The following LDLRAD4 variants were observed in gnomAD, a reference collection of about 807,000 sequenced individuals.
LDLRAD4 encodes the protein low density lipoprotein receptor class A domain containing 4, also known as low-density lipoprotein receptor class A domain-containing protein 4.
In LDLRAD4, 5 loss-of-function variants were observed where a neutral mutation model predicts 17.0. That is an observed-to-expected ratio of 0.29 (90% confidence interval 0.15 to 0.62). The LOEUF (loss-of-function observed/expected upper bound fraction) is 0.62, where lower values mean the gene tolerates loss of function less well. Ranked by LOEUF, LDLRAD4 falls within the 20% of genes least tolerant of loss-of-function variation. The pLI is 0.84. For missense variants in LDLRAD4, 340 were observed against 424.7 expected (o/e 0.80, Z 1.75); for synonymous variants, 168 against 171.8 (o/e 0.98, Z 0.17).
chr18:13,531,386 G>T (rs2094123951), intron 3 of LDLRAD4, among the ~76,000 whole-genome samples: 1 of 151,476 alleles, frequency 6.6e-6, no homozygotes, highest in South Asian at 2.1e-4. Flanking sequence ...AATGCAGGAG[G>T]ACTGCTTGAC....
At chr18:13,635,968 T>TGTGA (rs1344178358) in intron 4 of LDLRAD4, among the ~76,000 whole-genome samples, 16 of 147,954 alleles carry the variant, frequency 1.1e-4, no homozygotes, top group Admixed American at 6.1e-4. Context: ...TGTGTGTGTG[T>TGTGA]GATTGTGCCT....
At chr18:13,584,696 T>C (rs1215917325) in intron 3 of LDLRAD4, among the ~76,000 whole-genome samples, 3 of 152,170 alleles carry the variant, frequency 2.0e-5, no homozygotes, top group African/African-American at 7.2e-5. Context: ...CTAGGGTAAA[T>C]TTAAGTTAAG....
chr18:13,593,548 T>C (rs1309810310), intron 3 of LDLRAD4, among the ~76,000 whole-genome samples: 1 of 151,730 alleles, frequency 6.6e-6, no homozygotes, highest in Non-Finnish European at 1.5e-5. Context: ...GTTTATTTAC[T>C]TTATCTATCT....
intron 1 of LDLRAD4, among the ~76,000 whole-genome samples, chr18:13,231,087 G>C (rs1202606340): frequency 6.6e-6 from 1 of 152,182 alleles, no homozygotes; most frequent in Non-Finnish European, 1.5e-5. Context: ...GGTGCTGCGG[G>C]GCTGCAGGGA....
rs370667646 is a variant in LDLRAD4, at chr18:13,577,919, C to T, written c.182-43198C>T. Among the ~76,000 whole-genome samples, 107 of 152,270 alleles carry T rather than the reference C, an allele frequency of 7.0e-4. 2 individuals carry two copies. In the South Asian group the frequency reaches 0.021, roughly 30 times the overall value. On this transcript the variant is annotated intron_variant, in intron 3 of 5. Transcript: ENST00000359446. ...GAATCATGAATGGGCTTTTCTCGTG[C>T]TATATCTAAAACTCAGCTCTGATTA...
rs369974999 is a variant in LDLRAD4, at chr18:13,481,238, G to C, written c.181+42854G>C. Among the ~76,000 whole-genome samples, 39 of 152,232 alleles carry C rather than the reference G, an allele frequency of 2.6e-4. 3 individuals are homozygous for C. Among genetic ancestry groups the C allele is most frequent in the Admixed American group, 1.4e-3 (21 of 15,280 alleles). On this transcript the variant is annotated intron_variant, in intron 3 of 5. Coordinates refer to ENST00000359446, the Ensembl canonical transcript of LDLRAD4. Reference sequence around the variant, plus strand: ...GTTGAGAGTGAACACCCTGCTTTGAGAGGTTGCCTAGCTGGGGAAGCGGGG... The same window carrying C: ...GTTGAGAGTGAACACCCTGCTTTGACAGGTTGCCTAGCTGGGGAAGCGGGG...
At chr18:13,363,195 G>A (rs1191156786) in intron 1 of LDLRAD4, among the ~76,000 whole-genome samples, 2 of 152,114 alleles carry the variant, frequency 1.3e-5, no homozygotes, top group African/African-American at 2.4e-5. Context: ...AGCCAGGCGT[G>A]GTGGTGGGTG....
intron 1 of LDLRAD4, among the ~76,000 whole-genome samples, chr18:13,326,957 C>G (rs1003943197): frequency 5.3e-5 from 8 of 152,138 alleles, no homozygotes; most frequent in African/African-American, 1.9e-4. Flanking sequence ...ATAGCAGGTG[C>G]TGACAGGAAA....
At chr18:13,297,457 C>T (rs1305809538) in intron 1 of LDLRAD4, among the ~76,000 whole-genome samples, 1 of 152,206 alleles carries the variant, frequency 6.6e-6, no homozygotes, top group African/African-American at 2.4e-5. Flanking sequence ...CATCAAAACA[C>T]TGTCTCCTGA....
At chr18:13,296,205 C>G (rs540364926) in intron 1 of LDLRAD4, among the ~76,000 whole-genome samples, 2 of 152,246 alleles carry the variant, frequency 1.3e-5, no homozygotes. Context: ...ACTTCTGCTT[C>G]GCAAGAGGCG....
chr18:13,338,823 G>A (rs1173264262), intron 1 of LDLRAD4, among the ~76,000 whole-genome samples: 1 of 152,186 alleles, frequency 6.6e-6, no homozygotes, highest in East Asian at 1.9e-4. Flanking sequence ...GGGTGCAGAA[G>A]AGAGGGAGAA....
chr18:13,576,874 A>G (rs1601505641), intron 3 of LDLRAD4, among the ~76,000 whole-genome samples: 1 of 152,384 alleles, frequency 6.6e-6, no homozygotes, highest in East Asian at 1.9e-4. Flanking sequence ...CTCCGCTCAG[A>G]GAAACTGCCA....
At chr18:13,531,216 C>T (rs2094121922) in intron 3 of LDLRAD4, among the ~76,000 whole-genome samples, 1 of 152,188 alleles carries the variant, frequency 6.6e-6, no homozygotes, top group South Asian at 2.1e-4. Context: ...GATTAAGTCA[C>T]ATGCTTGATG....
At chr18:13,631,648 CT>C (rs1448574120) in intron 4 of LDLRAD4, among the ~76,000 whole-genome samples, 1 of 152,188 alleles carries the variant, frequency 6.6e-6, no homozygotes, top group East Asian at 1.9e-4. Context: ...GTTATACTGG[CT>C]GCGCACAGTG....
intron 4 of LDLRAD4, among the ~76,000 whole-genome samples, chr18:13,636,165 C>T (rs2042063060): frequency 6.6e-6 from 1 of 152,052 alleles, no homozygotes; most frequent in Admixed American, 6.6e-5. Context: ...AACAGCAAGG[C>T]CCAGCTGTCC....
At chr18:13,578,483 C>G (rs2094806154) in intron 3 of LDLRAD4, among the ~76,000 whole-genome samples, 1 of 152,156 alleles carries the variant, frequency 6.6e-6, no homozygotes, top group Non-Finnish European at 1.5e-5. Context: ...TGTAACTGTC[C>G]TCCTCCAAGC....
chr18:13,587,356 ACCAGATG>A, intron 3 of LDLRAD4, among the ~76,000 whole-genome samples: 1 of 152,266 alleles, frequency 6.6e-6, no homozygotes, highest in Admixed American at 6.5e-5. Context: ...TTGAGCCCTT[ACCAGATG>A]CCAGGTACTG....
At chr18:13,254,598 C>A (rs1035105492) in intron 1 of LDLRAD4, among the ~76,000 whole-genome samples, 3 of 152,288 alleles carry the variant, frequency 2.0e-5, no homozygotes, top group African/African-American at 7.2e-5. Flanking sequence ...CGGAATTGGC[C>A]GAGTCCTTAC....
At chr18:13,341,782 G>A (rs1474662788) in intron 1 of LDLRAD4, among the ~76,000 whole-genome samples, 1 of 152,232 alleles carries the variant, frequency 6.6e-6, no homozygotes, top group East Asian at 1.9e-4. Flanking sequence ...AATAGAAATG[G>A]CAAAAGTGGA....
Sources: gnomAD v4.1 joint callset for allele counts (sites outside exome capture counted in the v4.1 genomes callset) on GRCh38, gnomAD v4.1.1 for gene constraint, MANE v1.5 for transcripts, NCBI Gene and HGNC (gene_info 2026-07-23, HGNC 2026-07-21) for gene names.